The following AUTS2 variants were observed in gnomAD, a reference collection of about 807,000 sequenced individuals.
The protein encoded by AUTS2 is autism susceptibility gene 2 protein.
A neutral mutation model predicts 112.4 loss-of-function variants in AUTS2; 17 were observed. The ratio of observed to expected loss-of-function variants is 0.15; its 90% confidence interval spans 0.10 to 0.23. AUTS2 has a LOEUF of 0.23. Ranked by LOEUF, AUTS2 falls within the 10% of genes least tolerant of loss-of-function variation. AUTS2 has a pLI of 1.00. For synonymous variants in AUTS2, 751 were observed against 702.7 expected (o/e 1.07, Z -1.09); for missense variants, 1,510 against 1,701.6 (o/e 0.89, Z 1.98).
chr7:69,840,551 G>A (rs1791931546), intron 1 of AUTS2, among the ~76,000 whole-genome samples: 1 of 152,190 alleles, frequency 6.6e-6, no homozygotes, highest in South Asian at 2.1e-4. Flanking sequence ...GGGCTTCACA[G>A]GTCGAAGAGG....
chr7:70,110,426 G>A (rs1234598976), intron 2 of AUTS2, among the ~76,000 whole-genome samples: 1 of 152,178 alleles, frequency 6.6e-6, no homozygotes, highest in Admixed American at 6.5e-5. Context: ...CAAGGCAGGA[G>A]AATCGCTTGA....
At chr7:70,394,360 T>C (rs1793994767) in intron 4 of AUTS2, among the ~76,000 whole-genome samples, 1 of 152,208 alleles carries the variant, frequency 6.6e-6, no homozygotes, top group Admixed American at 6.5e-5. Context: ...TTATGCACCA[T>C]AGTGGAGCTA....
chr7:70,515,440 G>A (rs530525464), intron 5 of AUTS2, among the ~76,000 whole-genome samples: 3 of 152,288 alleles, frequency 2.0e-5, no homozygotes, highest in South Asian at 4.2e-4. Context: ...ATTCAGTGGA[G>A]CATTTTAATC....
chr7:70,684,592 G>A (rs1808372624), intron 5 of AUTS2, among the ~76,000 whole-genome samples: 2 of 150,368 alleles, frequency 1.3e-5, no homozygotes, highest in Admixed American at 6.6e-5. Flanking sequence ...GGCGTGGCAT[G>A]TTGTGGTATG....
At chr7:69,934,886 A>G (rs1340788618) in intron 2 of AUTS2, among the ~76,000 whole-genome samples, 1 of 152,090 alleles carries the variant, frequency 6.6e-6, no homozygotes, top group East Asian at 1.9e-4. Context: ...GTGCGTGTGT[A>G]CCTGTGGAAA....
chr7:70,678,060 C>T (rs569046045), intron 5 of AUTS2, among the ~76,000 whole-genome samples: 132 of 151,986 alleles, frequency 8.7e-4, no homozygotes, highest in Non-Finnish European at 1.4e-3. Context: ...CCAGCCTGGG[C>T]GACAGAGCGA....
intron 5 of AUTS2, among the ~76,000 whole-genome samples, chr7:70,464,118 G>T (rs1381716703): frequency 6.6e-6 from 1 of 152,196 alleles, no homozygotes; most frequent in Non-Finnish European, 1.5e-5. Flanking sequence ...TGACCCTGAG[G>T]TAAGCTCCGC....
rs186143066 is a variant in AUTS2, at chr7:69,659,820, T to C, written c.309+59858T>C. Among the ~76,000 whole-genome samples, 121 of 152,314 alleles carry C rather than the reference T, an allele frequency of 7.9e-4. 1 individual carries two copies. The highest frequency in any genetic ancestry group is 2.9e-3 in the African/African-American group (119 of 41,564). ...GCCATACTTCACCATTTTGTGTGAA[T>C]AAATCTCTTCCTCATTTTATGACTC... On this transcript the variant is annotated intron_variant, in intron 1 of 18. Coordinates refer to ENST00000342771, the MANE Select transcript of AUTS2 (RefSeq NM_015570.4).
intron 2 of AUTS2, among the ~76,000 whole-genome samples, chr7:70,071,436 T>G (rs1802762105): frequency 6.6e-6 from 1 of 152,216 alleles, no homozygotes. Flanking sequence ...TAATAGTTCT[T>G]GATTGTTCAC....
chr7:70,748,923 T>C (rs1256023003), intron 6 of AUTS2, among the ~76,000 whole-genome samples: 1 of 152,208 alleles, frequency 6.6e-6, no homozygotes, highest in Non-Finnish European at 1.5e-5. Flanking sequence ...TCCTCTTCAG[T>C]GTGAGAAGCA....
chr7:70,410,460 A>G (rs116615274), intron 4 of AUTS2, among the ~76,000 whole-genome samples: 2,602 of 150,944 alleles, frequency 0.017, 79 homozygotes, highest in African/African-American at 0.06. Context: ...CAGAGTCTCT[A>G]TCGCCCAGGC....
chr7:70,692,929 C>G (rs1456336454), intron 5 of AUTS2, among the ~76,000 whole-genome samples: 1 of 152,220 alleles, frequency 6.6e-6, no homozygotes, highest in Non-Finnish European at 1.5e-5. Flanking sequence ...TTCTCTTCCT[C>G]TCTTCCTCCA....
At chr7:70,322,484 G>T (rs531105379) in intron 4 of AUTS2, among the ~76,000 whole-genome samples, 1 of 152,228 alleles carries the variant, frequency 6.6e-6, no homozygotes, top group African/African-American at 2.4e-5. Context: ...GGAGCCCCAG[G>T]AAAAGGTGAT....
intron 4 of AUTS2, among the ~76,000 whole-genome samples, chr7:70,137,678 C>T (rs1457245115): frequency 6.6e-6 from 1 of 152,054 alleles, no homozygotes; most frequent in Non-Finnish European, 1.5e-5. Context: ...TCAATACCTA[C>T]CTATTAGTGT....
chr7:69,635,301 A>G (rs1007389416), intron 1 of AUTS2, among the ~76,000 whole-genome samples: 1 of 152,212 alleles, frequency 6.6e-6, no homozygotes, highest in African/African-American at 2.4e-5. Flanking sequence ...TTCATGCTTT[A>G]CCTACCATAG....
At chr7:70,215,310 T>A (rs909830943) in intron 4 of AUTS2, among the ~76,000 whole-genome samples, 2 of 152,092 alleles carry the variant, frequency 1.3e-5, no homozygotes, top group Non-Finnish European at 2.9e-5. Context: ...CATAGATACC[T>A]GTGTTGTTGT....
Position 70,153,980 on chromosome 7 carries a change from G to A in AUTS2, c.660+19409G>A, listed in dbSNP as rs527693858. Reference sequence around the variant, plus strand: ...GGCCACCAGATTGAATTACTTCATTGAACCACTGCTGTCCTCTGTTAATGG... The same window carrying A: ...GGCCACCAGATTGAATTACTTCATTAAACCACTGCTGTCCTCTGTTAATGG... On this transcript the variant is annotated intron_variant, in intron 4 of 18. Coordinates refer to ENST00000342771, the MANE Select transcript of AUTS2 (RefSeq NM_015570.4). 1.9e-3 allele frequency among the ~76,000 whole-genome samples: 283 copies of A among 152,268 alleles called. 2 individuals carry two copies. Among genetic ancestry groups the A allele is most frequent in the African/African-American group, 6.2e-3 (257 of 41,546 alleles).
At chr7:69,690,464 T>C (rs921462625) in intron 1 of AUTS2, among the ~76,000 whole-genome samples, 10 of 152,182 alleles carry the variant, frequency 6.6e-5, no homozygotes, top group African/African-American at 2.2e-4. Flanking sequence ...CCGGCCTGAA[T>C]CCCATGCCTG....
At chr7:70,123,652 T>C (rs759044796) in intron 3 of AUTS2, among the ~76,000 whole-genome samples, 1 of 152,196 alleles carries the variant, frequency 6.6e-6, no homozygotes, top group Non-Finnish European at 1.5e-5. Flanking sequence ...CCTCCAGCAC[T>C]ATCTATGTTC....
Sources: gnomAD v4.1 joint callset for allele counts (sites outside exome capture counted in the v4.1 genomes callset) on GRCh38, gnomAD v4.1.1 for gene constraint, MANE v1.5 for transcripts, NCBI Gene and HGNC (gene_info 2026-07-23, HGNC 2026-07-21) for gene names.